ANKS1B: variants seen among roughly 807,000 people sequenced by gnomAD.
ANKS1B encodes the protein ankyrin repeat and sterile alpha motif domain containing 1B.
A neutral mutation model predicts 148.3 loss-of-function variants in ANKS1B; 36 were observed. The ratio of observed to expected loss-of-function variants is 0.24; its 90% CI spans 0.19 to 0.32. The LOEUF (loss-of-function observed/expected upper bound fraction) is 0.32. Among genes scored for constraint, ANKS1B ranks in the 10% least tolerant of loss-of-function variants. ANKS1B has a pLI of 1.00. For synonymous variants in ANKS1B, 542 were observed against 560.8 expected (o/e 0.97, Z 0.47); for missense variants, 1,157 against 1,542.6 (o/e 0.75, Z 4.19).
intron 9 of ANKS1B, chr12:99,648,208 G>A (rs2098390561): frequency 6.2e-6 from 10 of 1,614,084 alleles, no homozygotes; most frequent in Non-Finnish European, 8.5e-6. Context: ...GTATTACACG[G>A]CCCAAAGCAG....
chr12:99,211,947 G>A (rs2083396706), intron 14 of ANKS1B, among the ~76,000 whole-genome samples: 1 of 152,180 alleles, frequency 6.6e-6, no homozygotes, highest in Admixed American at 6.5e-5. Context: ...ATCTTCCTAA[G>A]AAGGCCCAAG....
rs76884527 is a variant in ANKS1B at position 98,808,138 on chromosome 12, C to T, written c.3067-220G>A. On this transcript the variant is annotated intron_variant, in intron 19 of 26. Coordinates refer to ENST00000683438, the MANE Select transcript of ANKS1B (RefSeq NM_001352186.2). ...GAGTTGACTAAAAAAATCATTTATG[C>T]ATTTATGCAAGGAAAATTACCAATA... Among the ~76,000 whole-genome samples, 939 of 152,246 alleles carry T rather than the reference C, an allele frequency of 6.2e-3. 13 individuals carry two copies. The highest frequency in any genetic ancestry group is 0.022 in the African/African-American group (896 of 41,538).
intron 8 of ANKS1B, among the ~76,000 whole-genome samples, chr12:99,689,238 C>T (rs1328499765): frequency 6.6e-6 from 1 of 152,142 alleles, no homozygotes; most frequent in East Asian, 1.9e-4. Flanking sequence ...GTTTGAATTC[C>T]TAATAATTAG....
In ANKS1B at chr12:99,812,359, CTG is replaced by C. The variant is rs762379252; in HGVS notation, c.216-50_216-49del. 5 of 1,576,430 alleles carry C rather than the reference CTG, an allele frequency of 3.2e-6. No individual in the cohort carries two copies. The South Asian group carries it at 5.8e-5, about 18-fold the overall frequency. On this transcript the variant is annotated intron_variant, in intron 2 of 26. Coordinates refer to ENST00000683438, the MANE Select transcript of ANKS1B (RefSeq NM_001352186.2). Reference sequence around the variant, plus strand: ...AACAAAATAGGCTGAGCAAGACAAACTGTATTAAATAGGTAATTTTAAAAGAA... The same window carrying C: ...AACAAAATAGGCTGAGCAAGACAAACTATTAAATAGGTAATTTTAAAAGAA...
chr12:98,794,596 T>C lies in ANKS1B; in HGVS notation c.3342+4338A>G, dbSNP rs568062189. ...CAGATTTTGTAAATCTAAATGTCAT[T>C]AAAAACTTTAAAAAGAAGTGCGATC... On this transcript the variant is annotated intron_variant, in intron 22 of 26. Transcript: ENST00000683438. 9.0e-6 allele frequency: 7 copies of C among 774,920 alleles called. No homozygotes were observed. The African/African-American group carries it at 1.0e-4, about 11-fold the overall frequency. The allele number at this position is 774,920 out of a possible 1,614,324, so 48.0% of individuals were successfully genotyped here. A position where few individuals can be genotyped will look rare whatever the true frequency, so the allele number is the denominator to read the frequency against.
At chr12:99,981,165 C>T (rs773047743) in intron 1 of ANKS1B, among the ~76,000 whole-genome samples, 2 of 152,036 alleles carry the variant, frequency 1.3e-5, no homozygotes, top group East Asian at 3.8e-4. Flanking sequence ...CACCTATATG[C>T]TAAATGTTTT....
At chr12:99,267,333 AT>A (rs1223686509) in intron 12 of ANKS1B, among the ~76,000 whole-genome samples, 1 of 151,794 alleles carries the variant, frequency 6.6e-6, no homozygotes, top group Non-Finnish European at 1.5e-5. Context: ...TTTATGCCTA[AT>A]TTTTTTTCTC....
intron 15 of ANKS1B, among the ~76,000 whole-genome samples, chr12:99,121,094 C>CTT (rs1047797939): frequency 7.0e-6 from 1 of 142,794 alleles, no homozygotes; most frequent in East Asian, 2.0e-4. Context: ...AAAATTTAGA[C>CTT]TTTTTTTTTT....
intron 15 of ANKS1B, 101 bp from the exon 16 acceptor site, chr12:99,085,124 T>A: frequency 1.1e-6 from 1 of 915,648 alleles, no homozygotes; most frequent in Non-Finnish European, 1.7e-6. Flanking sequence ...AGTGACCTGA[T>A]TTTTATGAAC....
intron 16 of ANKS1B, among the ~76,000 whole-genome samples, chr12:99,079,319 G>A (rs1278034583): frequency 6.6e-6 from 1 of 152,130 alleles, no homozygotes; most frequent in East Asian, 1.9e-4. Context: ...TTTAGCCAAA[G>A]CCTCAAACTG....
chr12:99,438,244 A>G (rs2095493146), intron 11 of ANKS1B, among the ~76,000 whole-genome samples: 1 of 151,950 alleles, frequency 6.6e-6, no homozygotes, highest in Admixed American at 6.6e-5. Flanking sequence ...AGAATCATGA[A>G]CATTAAATTA....
At chr12:99,209,050 A>G (rs1158151388) in intron 14 of ANKS1B, among the ~76,000 whole-genome samples, 1 of 152,182 alleles carries the variant, frequency 6.6e-6, no homozygotes, top group Non-Finnish European at 1.5e-5. Flanking sequence ...TACTGGTTGC[A>G]TTACTAAAGC....
At chr12:98,915,361 A>ATT (rs34154871) in intron 17 of ANKS1B, among the ~76,000 whole-genome samples, 4 of 151,474 alleles carry the variant, frequency 2.6e-5, no homozygotes, top group African/African-American at 4.8e-5. Context: ...GTGAGACAGA[A>ATT]TTTTTTTTTA....
intron 14 of ANKS1B, among the ~76,000 whole-genome samples, chr12:99,172,800 TGATA>T (rs2153836808): frequency 6.6e-6 from 1 of 152,292 alleles, no homozygotes; most frequent in African/African-American, 2.4e-5. Flanking sequence ...TTAAAGATGT[TGATA>T]AATACAGAAA....
chr12:99,307,088 T>C (rs577257360), intron 12 of ANKS1B, among the ~76,000 whole-genome samples: 3 of 152,248 alleles, frequency 2.0e-5, no homozygotes, highest in Non-Finnish European at 4.4e-5. Flanking sequence ...GAATTCAAAA[T>C]AGTTTTTCCT....
chr12:99,551,969 C>G (rs960334726), intron 9 of ANKS1B, among the ~76,000 whole-genome samples: 1 of 152,122 alleles, frequency 6.6e-6, no homozygotes, highest in East Asian at 1.9e-4. Context: ...ATCTGAAACA[C>G]TGTTCCAATC....
intron 12 of ANKS1B, among the ~76,000 whole-genome samples, chr12:99,294,245 T>C (rs991272357): frequency 6.6e-6 from 1 of 152,178 alleles, no homozygotes; most frequent in South Asian, 2.1e-4. Flanking sequence ...TGCAGCACTG[T>C]TTACAATGGC....
At chr12:98,946,727 G>A (rs538687974) in intron 17 of ANKS1B, among the ~76,000 whole-genome samples, 100 of 152,058 alleles carry the variant, frequency 6.6e-4, no homozygotes, top group African/African-American at 2.3e-3. Flanking sequence ...CTTGAGCCTA[G>A]GAGTTCAAGA....
intron 9 of ANKS1B, among the ~76,000 whole-genome samples, chr12:99,608,917 G>C (rs954035483): frequency 6.6e-6 from 1 of 152,032 alleles, no homozygotes; most frequent in African/African-American, 2.4e-5. Context: ...ATGGAAGATA[G>C]ACGGTGGCAC....
Sources: gnomAD v4.1 joint callset for allele counts (sites outside exome capture counted in the v4.1 genomes callset) on GRCh38, gnomAD v4.1.1 for gene constraint, MANE v1.5 for transcripts, NCBI Gene and HGNC (gene_info 2026-07-23, HGNC 2026-07-21) for gene names.